Variants in ALS2 observed in about 807,000 individuals in gnomAD.
ALS2 encodes the protein alsin Rho guanine nucleotide exchange factor ALS2, also known as alsin.
A neutral mutation model predicts 203.4 loss-of-function variants in ALS2; 117 were observed. The observed-to-expected ratio is 0.58, with a 90% CI of 0.50 to 0.67. ALS2 has a LOEUF of 0.67. Among genes scored for constraint, ALS2 ranks in the 30% least tolerant of loss-of-function variants. The pLI is 0.00. For missense variants in ALS2, 1,715 were observed against 1,989.4 expected (o/e 0.86, Z 2.62); for synonymous variants, 718 against 725.9 (o/e 0.99, Z 0.17).
intron 6 of ALS2, 26 bp downstream of exon 6, chr2:201,754,477 T>C (rs1158327799): frequency 1.9e-6 from 3 of 1,614,000 alleles, no homozygotes; most frequent in Non-Finnish European, 2.5e-6. Flanking sequence ...AGCCAACTTC[T>C]ATCGGTAAAT....
rs760588436 is a variant in ALS2, at chr2:201,754,578, G to A, written c.1565C>T (p.Pro522Leu). ...GGTCCACACTTCTGTTCTCAGAGAA[G>A]GCAGGAGCGCATCTGCTTCTCCACT... ...TYSGEADALL[P>L]SLRTEVWTWG... Residue 522 changes from proline to leucine, a missense_variant, in exon 6 of 34, where the codon CCT becomes CTT. This residue lies in a region of ALS2 where 1,227 missense variants were observed against 1,413.5 expected (regional missense o/e 0.87). Coordinates refer to ENST00000264276, the MANE Select transcript of ALS2 (RefSeq NM_020919.4). 5 of 1,614,140 alleles carry A rather than the reference G, an allele frequency of 3.1e-6. No homozygotes were observed. The East Asian group carries it at 1.1e-4, about 36-fold the overall frequency.
At position 201,726,748 on chromosome 2, in the gene ALS2, C is replaced by T; in HGVS notation, c.3098G>A (p.Ser1033Asn). ...VQRQEPPISRSAKYTFYKDPR... is the reference protein window; with the variant it reads ...VQRQEPPISRNAKYTFYKDPR... ...ATCCTTGTAGAAAGTATATTTGGCA[C>T]TGCGTGAAATGGGTGGTTCCTGTCT... The change falls in exon 18 of 34, where the codon AGT becomes AAT. Residue 1033 changes from serine (S) to asparagine (N), a missense_variant. By Grantham distance (46) the Ser-to-Asn change is conservative. Coordinates refer to ENST00000264276, the MANE Select transcript of ALS2 (RefSeq NM_020919.4). The T allele has an allele frequency of 6.2e-7, 1 of 1,614,158 alleles. No homozygotes were observed. Among genetic ancestry groups the T allele is most frequent in the Non-Finnish European group, 8.5e-7 (1 of 1,180,024 alleles).
intron 4 of ALS2, among the ~76,000 whole-genome samples, chr2:201,757,973 A>G (rs568666911): frequency 1.6e-4 from 24 of 152,282 alleles, no homozygotes; most frequent in African/African-American, 5.8e-4. Context: ...TCCTTCTCCA[A>G]AGTACTTCCT....
intron 33 of ALS2, among the ~76,000 whole-genome samples, chr2:201,703,146 T>C (rs1689492688): frequency 6.6e-6 from 1 of 152,102 alleles, no homozygotes; most frequent in Non-Finnish European, 1.5e-5. Flanking sequence ...GTATTTTAGT[T>C]GAAAAGTTTA....
At chr2:201,736,472 G>A (rs1263917298) in intron 12 of ALS2, among the ~76,000 whole-genome samples, 13 of 151,878 alleles carry the variant, frequency 8.6e-5, no homozygotes, top group Admixed American at 7.9e-4. Context: ...ACAATTAGAG[G>A]GAAATTTATA....
chr2:201,705,498 T>TAACA, intron 29 of ALS2, 37 bp from the exon 30 acceptor site: 3 of 1,540,792 alleles, frequency 1.9e-6, no homozygotes, highest in Non-Finnish European at 2.7e-6. Flanking sequence ...TATAAGTTGT[T>TAACA]ACTTATGGTA....
intron 12 of ALS2, among the ~76,000 whole-genome samples, chr2:201,736,363 A>G (rs1267329088): frequency 1.3e-5 from 2 of 152,190 alleles, no homozygotes; most frequent in African/African-American, 2.4e-5. Context: ...TGTGAGTCCA[A>G]TAATTCATAA....
At chr2:201,702,741 T>G (rs1427848450) in intron 33 of ALS2, among the ~76,000 whole-genome samples, 1 of 152,242 alleles carries the variant, frequency 6.6e-6, no homozygotes, top group Non-Finnish European at 1.5e-5. Flanking sequence ...ACTCTTCAAA[T>G]AACATAAACA....
chr2:201,750,628 T>C (rs1312250955), intron 7 of ALS2, among the ~76,000 whole-genome samples: 1 of 152,180 alleles, frequency 6.6e-6, no homozygotes, highest in Non-Finnish European at 1.5e-5. Flanking sequence ...AAAATGTTTG[T>C]TTATTCTGAT....
In ALS2 at chr2:201,726,526, C is replaced by T. The variant is rs200706696; in HGVS notation, c.3206G>A (p.Gly1069Glu). 708 of 1,614,148 alleles carry T rather than the reference C, an allele frequency of 4.4e-4. 3 individuals are homozygous for T. The highest frequency in any genetic ancestry group is 4.9e-4 in the Middle Eastern group (3 of 6,062). Residue 1069 changes from glycine to glutamate, a missense_variant, in exon 19 of 34, where the codon GGA (glycine) becomes GAA (glutamate). By Grantham distance (98) the Gly-to-Glu change is moderately conservative. This residue lies in a region of ALS2 where 1,227 missense variants were observed against 1,413.5 expected (regional missense o/e 0.87). Coordinates refer to ENST00000264276, the MANE Select transcript of ALS2 (RefSeq NM_020919.4). ...CCTGAACATGCCAGAATACATCTTT[C>T]CATCAGGCCACTTCAAAACCCCTCT... is the stretch of plus-strand genomic sequence containing the variant. ...HGRGVLKWPD[G>E]KMYSGMFRNG...
intron 3 of ALS2, among the ~76,000 whole-genome samples, chr2:201,762,159 G>T (rs1016578682): frequency 6.6e-6 from 1 of 151,904 alleles, no homozygotes; most frequent in African/African-American, 2.4e-5. Context: ...AGTGTTCAAA[G>T]GCAAAATAAA....
chr2:201,769,045 G>A (rs1694245808), intron 1 of ALS2, 100 bp from the exon 2 acceptor site: 3 of 583,990 alleles, frequency 5.1e-6, no homozygotes, highest in Non-Finnish European at 3.0e-6. Flanking sequence ...ACATTCACTA[G>A]GAAATAAATA....
At chr2:201,759,625 T>C (rs1359884533) in intron 4 of ALS2, 8 of 985,020 alleles carry the variant, frequency 8.1e-6, no homozygotes, top group South Asian at 9.4e-5. Context: ...GTTCAGACTT[T>C]ATAATACCTT....
At chr2:201,728,666 A>G (rs778319406) in intron 14 of ALS2, 26 bp from the exon 15 acceptor site, 2 of 1,606,060 alleles carry the variant, frequency 1.2e-6, no homozygotes, top group Admixed American at 3.4e-5. Flanking sequence ...AATATAATAC[A>G]AGTCAAACAA....
rs752516794 is a variant in ALS2 at position 201,704,434 on chromosome 2, CAA to C, written c.4838+18_4838+19del. The C allele has an allele frequency of 2.5e-6, 4 of 1,613,750 alleles. No homozygotes were observed. In the African/African-American group the frequency reaches 5.3e-5, roughly 22 times the overall value. Reference sequence around the variant, plus strand: ...TTTAAAAATAACGACTCACTAATAACAAAGTCATAAAACAGTTACCTGGCCCG... The same window carrying C: ...TTTAAAAATAACGACTCACTAATAACAGTCATAAAACAGTTACCTGGCCCG... On this transcript the variant is annotated intron_variant, in intron 32 of 33. Transcript: ENST00000264276.
intron 27 of ALS2, 67 bp from the exon 28 acceptor site, chr2:201,708,058 C>T: frequency 2.7e-6 from 4 of 1,471,580 alleles, no homozygotes; most frequent in Middle Eastern, 2.4e-4. Context: ...CATAAAAACA[C>T]ATTTCCATTA....
At chr2:201,713,137 T>TCTTTC (rs530892512) in intron 25 of ALS2, among the ~76,000 whole-genome samples, 1 of 131,576 alleles carries the variant, frequency 7.6e-6, no homozygotes, top group Non-Finnish European at 1.6e-5. Context: ...TCTTTTCTTT[T>TCTTTC]TTTTTTTTTT....
chr2:201,722,767 C>T (rs1197329102), intron 23 of ALS2: 3 of 408,236 alleles, frequency 7.3e-6, no homozygotes, highest in Non-Finnish European at 1.3e-5. Context: ...CCAAAAAAGG[C>T]AAATCTATAG....
intron 8 of ALS2, among the ~76,000 whole-genome samples, chr2:201,747,403 C>T (rs1270202195): frequency 6.6e-6 from 1 of 151,724 alleles, no homozygotes; most frequent in African/African-American, 2.4e-5. Flanking sequence ...AACACAAATT[C>T]CCAGGCCCCA....
Sources: allele counts gnomAD v4.1 joint callset (sites outside exome capture counted in the v4.1 genomes callset), GRCh38; gene constraint gnomAD v4.1.1; regional missense constraint gnomAD v4.1.1; transcripts MANE v1.5; gene names NCBI Gene and HGNC (gene_info 2026-07-23, HGNC 2026-07-21).